PDZD2: variants seen among roughly 807,000 people sequenced by gnomAD.
PDZD2 encodes the protein PDZ domain containing 2, also known as PDZ domain-containing protein 2.
Under a neutral mutation model 220.7 loss-of-function variants are expected in PDZD2, and 90 were observed. The ratio of observed to expected loss-of-function variants is 0.41; its 90% confidence interval spans 0.34 to 0.49. The LOEUF (loss-of-function observed/expected upper bound fraction) is 0.49. Among genes scored for constraint, PDZD2 ranks in the 20% least tolerant of loss-of-function variants. The probability of loss-of-function intolerance (pLI) is 0.28; values close to 1 mark genes in which losing one functional copy is unlikely to be tolerated. For missense variants in PDZD2, 3,174 were observed against 3,608.5 expected, an observed-to-expected ratio of 0.88 and a Z score of 3.08; for synonymous variants, 1,375 against 1,450.5, an observed-to-expected ratio of 0.95 and a Z score of 1.18.
intron 1 of PDZD2, among the ~76,000 whole-genome samples, chr5:31,716,699 A>T (rs1476946266): frequency 1.3e-5 from 2 of 152,142 alleles, no homozygotes; most frequent in Non-Finnish European, 2.9e-5. Context: ...GCTACTCGGG[A>T]GCCTGAGGCA....
chr5:31,664,938 T>A (rs1745923127), intron 1 of PDZD2: 1 of 152,170 alleles, frequency 6.6e-6, no homozygotes, highest in South Asian at 2.1e-4. Context: ...ACACCTCACG[T>A]CCTCTCACAT....
chr5:31,958,501 G>A (rs1232124171), intron 2 of PDZD2, among the ~76,000 whole-genome samples: 2 of 152,100 alleles, frequency 1.3e-5, no homozygotes, highest in African/African-American at 4.8e-5. Flanking sequence ...TGATCCACCT[G>A]CCTCAGCCTC....
chr5:31,692,279 C>T (rs1467515926), intron 1 of PDZD2, among the ~76,000 whole-genome samples: 3 of 152,322 alleles, frequency 2.0e-5, no homozygotes, highest in South Asian at 4.1e-4. Flanking sequence ...GCGGAGCCTA[C>T]GCCCACTCGG....
intron 6 of PDZD2, among the ~76,000 whole-genome samples, chr5:32,027,145 C>T (rs1268014468): frequency 6.6e-6 from 1 of 152,150 alleles, no homozygotes; most frequent in Non-Finnish European, 1.5e-5. Context: ...CTCAGGTGCT[C>T]CACCCGCCTC....
intron 2 of PDZD2, among the ~76,000 whole-genome samples, chr5:31,938,151 A>T (rs1030831663): frequency 1.3e-5 from 2 of 152,196 alleles, no homozygotes; most frequent in South Asian, 4.1e-4. Flanking sequence ...ACCTCAAGTG[A>T]TCTGCCCACC....
intron 1 of PDZD2, among the ~76,000 whole-genome samples, chr5:31,666,050 G>A (rs1745976040): frequency 2.0e-5 from 3 of 152,244 alleles, no homozygotes; most frequent in African/African-American, 7.2e-5. Flanking sequence ...ATCAGTTCAG[G>A]AACCTACATT....
intron 24 of PDZD2, among the ~76,000 whole-genome samples, chr5:32,104,716 TAAAAAA>T (rs755177769): frequency 9.6e-3 from 288 of 30,048 alleles, no homozygotes; most frequent in African/African-American, 0.021. Flanking sequence ...AGGCTCCATC[TAAAAAA>T]AAAAAAAAAA....
intron 1 of PDZD2, among the ~76,000 whole-genome samples, chr5:31,733,682 C>T (rs1342911157): frequency 1.3e-5 from 2 of 152,140 alleles, no homozygotes; most frequent in Non-Finnish European, 2.9e-5. Flanking sequence ...CAACTGGGAA[C>T]GAAGCCAGTA....
chr5:31,969,415 G>C (rs893960248), intron 2 of PDZD2, among the ~76,000 whole-genome samples: 1 of 150,070 alleles, frequency 6.7e-6, no homozygotes, highest in African/African-American at 2.5e-5. Context: ...AGGCTGAGGT[G>C]GGGGAATGGC....
At position 32,074,500 on chromosome 5, in the gene PDZD2, G is replaced by C. The variant is rs529547570; in HGVS notation, c.3394G>C (p.Glu1132Gln). The stretch of plus-strand genomic sequence containing the variant: ...GGTAAGCCCCCACTGCAAGAGATCC[G>C]AGGCTGAGGCCAAGCCCAGTGGCTC... ...ARVSPHCKRS[E>Q]AEAKPSGSQT... Residue 1132 changes from glutamate (E) to glutamine (Q), a missense_variant, in exon 18 of 25, where the codon GAG (glutamate) becomes CAG (glutamine). This residue lies in a region of PDZD2 where 1,861 missense variants were observed against 2,001.0 expected (regional missense o/e 0.93). Transcript: ENST00000438447. The C allele has an allele frequency of 5.0e-6, 8 of 1,614,128 alleles. No individual in the cohort carries two copies. In the South Asian group the frequency reaches 8.8e-5, roughly 18 times the overall value.
intron 7 of PDZD2, among the ~76,000 whole-genome samples, chr5:32,041,221 G>A (rs181514510): frequency 0.015 from 2,032 of 138,880 alleles, 85 homozygotes; most frequent in African/African-American, 0.055. Context: ...GGTGGGGAGC[G>A]CCTCTGCCCG....
At chr5:31,976,804 G>A (rs568683282) in intron 2 of PDZD2, among the ~76,000 whole-genome samples, 14 of 131,912 alleles carry the variant, frequency 1.1e-4, no homozygotes, top group South Asian at 5.0e-4. Flanking sequence ...TGCAACCTCC[G>A]ATTCCCAGGT....
At chr5:32,091,288 T>C in intron 20 of PDZD2, 113 bp downstream of exon 20, 2 of 826,760 alleles carry the variant, frequency 2.4e-6, no homozygotes, top group Non-Finnish European at 3.5e-6. Flanking sequence ...ACTTTTTTTT[T>C]TTTTTTTTTT....
intron 2 of PDZD2, among the ~76,000 whole-genome samples, chr5:31,946,450 G>A (rs1369590672): frequency 6.6e-6 from 1 of 152,210 alleles, no homozygotes; most frequent in East Asian, 1.9e-4. Context: ...GCGGGTCTGG[G>A]TGGGGTCTAG....
intron 1 of PDZD2, among the ~76,000 whole-genome samples, chr5:31,715,278 A>C (rs1748378520): frequency 6.6e-6 from 1 of 152,158 alleles, no homozygotes; most frequent in South Asian, 2.1e-4. Context: ...ATTCTTCAAG[A>C]TTAGATTGGT....
chr5:31,865,824 G>A (rs1220305911), intron 2 of PDZD2, among the ~76,000 whole-genome samples: 2 of 150,778 alleles, frequency 1.3e-5, no homozygotes. Context: ...GTAGAGGCTG[G>A]GTTTCACCGT....
chr5:31,706,842 C>CAAAAAA (rs60622267), intron 1 of PDZD2, among the ~76,000 whole-genome samples: 1 of 128,986 alleles, frequency 7.8e-6, no homozygotes, highest in Non-Finnish European at 1.7e-5. Flanking sequence ...GATTCCATCT[C>CAAAAAA]AAAAAAAAAA....
At chr5:31,698,815 C>A (rs572942168) in intron 1 of PDZD2, among the ~76,000 whole-genome samples, 1 of 152,286 alleles carries the variant, frequency 6.6e-6, no homozygotes, top group East Asian at 1.9e-4. Context: ...CAAGGAAGTA[C>A]CTGCAGATTC....
chr5:32,014,133 A>G (rs1395560604), intron 6 of PDZD2, among the ~76,000 whole-genome samples: 1 of 152,200 alleles, frequency 6.6e-6, no homozygotes, highest in Non-Finnish European at 1.5e-5. Context: ...CACTTAAAGA[A>G]ATGTGGTACT....
Sources: allele counts gnomAD v4.1 joint callset (sites outside exome capture counted in the v4.1 genomes callset), GRCh38; gene constraint gnomAD v4.1.1; regional missense constraint gnomAD v4.1.1; transcripts MANE v1.5; gene names NCBI Gene and HGNC (gene_info 2026-07-23, HGNC 2026-07-21).